ZBTB20: variants seen among roughly 807,000 people sequenced by gnomAD.
ZBTB20 encodes the protein zinc finger and BTB domain containing 20, also known as zinc finger and BTB domain-containing protein 20.
A neutral mutation model predicts 56.9 loss-of-function variants in ZBTB20; 9 were observed. The observed-to-expected ratio is 0.16, with a 90% confidence interval of 0.10 to 0.28. ZBTB20 has a LOEUF of 0.28. ZBTB20 is among the 10% of genes least tolerant of loss of function. ZBTB20 has a pLI of 1.00. For synonymous variants in ZBTB20, 417 were observed against 420.7 expected (o/e 0.99, Z 0.11); for missense variants, 655 against 1,003.0 (o/e 0.65, Z 4.69).
intron 4 of ZBTB20, among the ~76,000 whole-genome samples, chr3:114,894,194 C>T (rs1372192911): frequency 6.6e-6 from 1 of 152,174 alleles, no homozygotes; most frequent in Non-Finnish European, 1.5e-5. Context: ...GGACAAATTG[C>T]TTATCCTCTC....
At chr3:114,988,378 T>G (rs1336889815) in intron 2 of ZBTB20, among the ~76,000 whole-genome samples, 1 of 151,950 alleles carries the variant, frequency 6.6e-6, no homozygotes, top group African/African-American at 2.4e-5. Flanking sequence ...TGTGATAGTT[T>G]GCTGAGAATG....
intron 5 of ZBTB20, among the ~76,000 whole-genome samples, chr3:114,749,047 G>A (rs2067342544): frequency 6.6e-6 from 1 of 152,208 alleles, no homozygotes; most frequent in Non-Finnish European, 1.5e-5. Context: ...CACTCGATGA[G>A]AAGTCAGGAA....
Position 114,382,602 on chromosome 3 carries a change from C to T in ZBTB20, c.-153-1662G>A, listed in dbSNP as rs934979441. Among the ~76,000 whole-genome samples the T allele has an allele frequency of 2.6e-5, 4 of 152,190 alleles. No homozygotes were observed. The East Asian group carries it at 5.8e-4, about 22-fold the overall frequency. On this transcript the variant is annotated intron_variant, in intron 8 of 11. Transcript: ENST00000675478. ...TCATCTTATAACTGTCTTGATTCCT[C>T]TCTGCCAGGTAGGACTTCACTCCCC... is the stretch of plus-strand genomic sequence containing the variant.
chr3:114,351,299 G>C lies in ZBTB20; in HGVS notation c.779C>G (p.Ser260Cys). ...GCTGACCACTGCGCCGCTGTAAAAAGAGCGCTCGCCGCTGCCATTCTGCAT... is the reference window on the plus strand; with the variant it reads ...GCTGACCACTGCGCCGCTGTAAAAACAGCGCTCGCCGCTGCCATTCTGCAT... ...CSMQNGSGER[S>C]FYSGAVVSHH... is the part of the protein sequence containing the mutation. The change falls in exon 11 of 12, where the codon TCT becomes TGT. Residue 260 changes from serine (S) to cysteine (C), a missense_variant. Physicochemically the swap from Ser to Cys is moderately radical, Grantham distance 112. This residue lies in a region of ZBTB20 where 167 missense variants were observed against 281.9 expected (regional missense o/e 0.59). Coordinates refer to ENST00000675478, the MANE Select transcript of ZBTB20 (RefSeq NM_001348800.3). 6.2e-7 allele frequency: 1 copy of C among 1,604,902 alleles called. No homozygotes were observed. Among genetic ancestry groups the C allele is most frequent in the Non-Finnish European group, 8.5e-7 (1 of 1,178,992 alleles).
chr3:114,466,056 G>A (rs1164167207), intron 7 of ZBTB20, among the ~76,000 whole-genome samples: 1 of 152,044 alleles, frequency 6.6e-6, no homozygotes, highest in Non-Finnish European at 1.5e-5. Flanking sequence ...GAGTACCAGA[G>A]TCTACAGGCC....
chr3:114,808,826 C>A (rs575068470), intron 4 of ZBTB20, among the ~76,000 whole-genome samples: 1 of 151,978 alleles, frequency 6.6e-6, no homozygotes, highest in African/African-American at 2.4e-5. Context: ...CATTTCATTT[C>A]CACTTAAAGG....
chr3:114,871,982 C>G (rs552800608), intron 4 of ZBTB20, among the ~76,000 whole-genome samples: 27 of 152,068 alleles, frequency 1.8e-4, no homozygotes, highest in Non-Finnish European at 3.7e-4. Flanking sequence ...TGAGTCTTTT[C>G]ATGATCTTCT....
intron 4 of ZBTB20, among the ~76,000 whole-genome samples, chr3:114,881,056 C>T (rs1036110525): frequency 6.6e-6 from 1 of 151,946 alleles, no homozygotes; most frequent in African/African-American, 2.4e-5. Flanking sequence ...AATGACATTT[C>T]CTAATCCCTC....
At chr3:115,042,616 G>C (rs957602202) in intron 2 of ZBTB20, among the ~76,000 whole-genome samples, 4 of 152,002 alleles carry the variant, frequency 2.6e-5, no homozygotes, top group Non-Finnish European at 5.9e-5. Context: ...AATAGTTTTC[G>C]TTTGACTTTG....
intron 2 of ZBTB20, among the ~76,000 whole-genome samples, chr3:115,050,312 GTA>G (rs1307090315): frequency 2.0e-5 from 3 of 151,828 alleles, no homozygotes; most frequent in African/African-American, 7.2e-5. Context: ...TTATAATTAT[GTA>G]TATGCTATGA....
intron 7 of ZBTB20, among the ~76,000 whole-genome samples, chr3:114,415,343 G>A (rs1338108590): frequency 6.6e-6 from 1 of 152,130 alleles, no homozygotes; most frequent in African/African-American, 2.4e-5. Flanking sequence ...GGGGCATATA[G>A]GGATGGAAGA....
chr3:114,871,256 T>C (rs2075998657), intron 4 of ZBTB20, among the ~76,000 whole-genome samples: 2 of 152,086 alleles, frequency 1.3e-5, no homozygotes, highest in African/African-American at 2.4e-5. Flanking sequence ...GTTAACTTCC[T>C]ACATAGAGGG....
intron 6 of ZBTB20, among the ~76,000 whole-genome samples, chr3:114,654,657 G>T (rs1030471800): frequency 7.9e-5 from 12 of 151,996 alleles, no homozygotes; most frequent in Non-Finnish European, 1.0e-4. Flanking sequence ...TCTCCAAGTG[G>T]GAATAGTGTT....
intron 5 of ZBTB20, among the ~76,000 whole-genome samples, chr3:114,715,543 C>T (rs1417216436): frequency 1.3e-5 from 2 of 152,196 alleles, no homozygotes; most frequent in Non-Finnish European, 1.5e-5. Flanking sequence ...GACAGCTTTC[C>T]TTTATTCAGT....
chr3:114,411,343 A>ATG (rs894124282), intron 7 of ZBTB20, among the ~76,000 whole-genome samples: 20 of 152,146 alleles, frequency 1.3e-4, no homozygotes, highest in Non-Finnish European at 1.5e-5. Context: ...GACAGTTTTC[A>ATG]TGTTCCAAAA....
chr3:114,434,541 G>GGGGTGTGTGTGTGTGTTTGTGTGTGT (rs1553711977), intron 7 of ZBTB20, among the ~76,000 whole-genome samples: 946 of 85,750 alleles, frequency 0.011, 9 homozygotes, highest in African/African-American at 0.027. Context: ...CTGCAATTGG[G>GGGGTGTGTGTGTGTGTTTGTGTGTGT]GTGTGTGTGT....
chr3:114,607,446 G>A (rs2057255575), intron 6 of ZBTB20, among the ~76,000 whole-genome samples: 1 of 151,796 alleles, frequency 6.6e-6, no homozygotes, highest in African/African-American at 2.4e-5. Flanking sequence ...GGGATTACAG[G>A]CATGCACCCC....
intron 3 of ZBTB20, among the ~76,000 whole-genome samples, chr3:114,972,487 G>A (rs73857877): frequency 0.089 from 13,586 of 151,870 alleles, 1,783 homozygotes; most frequent in African/African-American, 0.29. Context: ...AAAAATACAC[G>A]GGATATTTTT....
intron 2 of ZBTB20, among the ~76,000 whole-genome samples, chr3:115,013,517 T>C (rs1319375512): frequency 6.6e-6 from 1 of 151,578 alleles, no homozygotes. Context: ...CAATAACAAG[T>C]AATGAGATCA....
Sources: gnomAD v4.1 joint callset for allele counts (sites outside exome capture counted in the v4.1 genomes callset) on GRCh38, gnomAD v4.1.1 for gene constraint, gnomAD v4.1.1 regional missense constraint, MANE v1.5 for transcripts, NCBI Gene and HGNC (gene_info 2026-07-23, HGNC 2026-07-21) for gene names.